Variants in ADGRB3 observed in about 807,000 individuals in gnomAD.
ADGRB3 encodes the protein brain-specific angiogenesis inhibitor 3.
A neutral mutation model predicts 193.4 loss-of-function variants in ADGRB3; 37 were observed. The observed-to-expected ratio is 0.19, with a 90% CI of 0.15 to 0.25. The LOEUF is 0.25. Ranked by LOEUF, ADGRB3 falls within the 10% of genes least tolerant of loss-of-function variation. The probability of loss-of-function intolerance (pLI) is 1.00; values close to 1 mark genes in which losing one functional copy is unlikely to be tolerated. For missense variants in ADGRB3, 1,637 were observed against 1,852.9 expected (o/e 0.88, Z 2.14); for synonymous variants, 690 against 644.2 (o/e 1.07, Z -1.08).
intron 17 of ADGRB3, among the ~76,000 whole-genome samples, chr6:69,102,050 G>T (rs1451338431): frequency 6.6e-6 from 1 of 151,934 alleles, no homozygotes; most frequent in African/African-American, 2.4e-5. Flanking sequence ...GGTGGCGGAC[G>T]CCTGTAGTCC....
intron 17 of ADGRB3, among the ~76,000 whole-genome samples, chr6:69,086,369 G>A (rs965465734): frequency 6.6e-6 from 1 of 152,002 alleles, no homozygotes; most frequent in East Asian, 1.9e-4. Context: ...ACTCTTAGTA[G>A]AACTGGGCAT....
chr6:68,818,480 G>A (rs937673460), intron 3 of ADGRB3, among the ~76,000 whole-genome samples: 17 of 151,978 alleles, frequency 1.1e-4, no homozygotes, highest in African/African-American at 4.1e-4. Context: ...GAATGAAACA[G>A]CTTGGTGTGG....
intron 3 of ADGRB3, among the ~76,000 whole-genome samples, chr6:68,831,506 G>GT (rs1767952566): frequency 6.6e-6 from 1 of 152,018 alleles, no homozygotes; most frequent in African/African-American, 2.4e-5. Context: ...ATAGAAGTCT[G>GT]TTTGGTTGGG....
At chr6:68,918,990 C>T (rs1206313075) in intron 3 of ADGRB3, among the ~76,000 whole-genome samples, 4 of 151,880 alleles carry the variant, frequency 2.6e-5, no homozygotes, top group Non-Finnish European at 4.4e-5. Context: ...TTCCTCTGGT[C>T]TCATTTTCCC....
intron 3 of ADGRB3, among the ~76,000 whole-genome samples, chr6:68,874,537 C>T (rs367721813): frequency 6.6e-6 from 1 of 152,024 alleles, no homozygotes; most frequent in African/African-American, 2.4e-5. Flanking sequence ...TTAAGTGAAT[C>T]CATGTGTTAA....
chr6:69,155,333 T>C (rs1481344629), intron 17 of ADGRB3, among the ~76,000 whole-genome samples: 3 of 152,216 alleles, frequency 2.0e-5, no homozygotes, highest in African/African-American at 7.2e-5. Context: ...CATTTTGGTA[T>C]AGGCCACCCA....
intron 3 of ADGRB3, among the ~76,000 whole-genome samples, chr6:68,659,214 C>A (rs146394947): frequency 6.6e-6 from 1 of 150,578 alleles, no homozygotes; most frequent in Non-Finnish European, 1.5e-5. Context: ...CAAGCTGATG[C>A]AATTTTTTTT....
intron 20 of ADGRB3, among the ~76,000 whole-genome samples, chr6:69,246,779 G>C (rs922727988): frequency 5.3e-5 from 8 of 152,184 alleles, no homozygotes; most frequent in Non-Finnish European, 1.2e-4. Context: ...CAAGGAAGCA[G>C]TTTGGACATT....
intron 26 of ADGRB3, among the ~76,000 whole-genome samples, chr6:69,352,456 C>T (rs1444896297): frequency 6.6e-6 from 1 of 152,198 alleles, no homozygotes; most frequent in Non-Finnish European, 1.5e-5. Flanking sequence ...GTAATGCATT[C>T]TTTTTCAAAG....
intron 8 of ADGRB3, among the ~76,000 whole-genome samples, chr6:68,973,215 G>T (rs1395238875): frequency 6.6e-6 from 1 of 152,110 alleles, no homozygotes; most frequent in Non-Finnish European, 1.5e-5. Flanking sequence ...CTAGGATCCA[G>T]TCCTGCTGAC....
intron 4 of ADGRB3, among the ~76,000 whole-genome samples, chr6:68,931,550 G>A (rs9446076): frequency 0.03 from 4,537 of 152,060 alleles, 240 homozygotes; most frequent in African/African-American, 0.1. Flanking sequence ...TTAAAAAATT[G>A]TATACATCTC....
chr6:68,991,388 C>A (rs908349727), intron 10 of ADGRB3, among the ~76,000 whole-genome samples: 3 of 150,276 alleles, frequency 2.0e-5, no homozygotes, highest in Admixed American at 6.6e-5. Flanking sequence ...ATGAAAAAAA[C>A]AAGAAATAGA....
chr6:68,920,380 G>C (rs1210923535), intron 3 of ADGRB3, among the ~76,000 whole-genome samples: 4 of 151,838 alleles, frequency 2.6e-5, no homozygotes, highest in African/African-American at 9.7e-5. Context: ...TTAGCCGGGC[G>C]TGGTGGTGGG....
Position 69,104,688 on chromosome 6 carries a change from A to C in ADGRB3, c.2480+28650A>C, listed in dbSNP as rs141883019. On this transcript the variant is annotated intron_variant, in intron 17 of 31. Transcript: ENST00000370598. ...TTGTGGTAAGAAAACAAAGAGTAAC[A>C]CTGAAAACACAATATGTGTTTCAGT... Among the ~76,000 whole-genome samples, 750 of 152,276 alleles carry C rather than the reference A, an allele frequency of 4.9e-3. 7 individuals are homozygous for C. Among genetic ancestry groups the C allele is most frequent in the African/African-American group, 0.017 (691 of 41,558 alleles).
At chr6:69,250,464 C>T (rs1766596534) in intron 20 of ADGRB3, among the ~76,000 whole-genome samples, 1 of 152,198 alleles carries the variant, frequency 6.6e-6, no homozygotes. Flanking sequence ...ATGAAAAGGA[C>T]AATCTGTACC....
intron 15 of ADGRB3, 75 bp downstream of exon 15, chr6:69,049,421 A>G: frequency 9.1e-7 from 1 of 1,104,476 alleles, no homozygotes; most frequent in Non-Finnish European, 1.3e-6. Flanking sequence ...TTCTATAAAA[A>G]TAGTCAAACA....
At chr6:68,792,606 T>G (rs1767128122) in intron 3 of ADGRB3, among the ~76,000 whole-genome samples, 1 of 152,188 alleles carries the variant, frequency 6.6e-6, no homozygotes, top group Admixed American at 6.6e-5. Context: ...ATTTCCTCCT[T>G]CAATCTACAA....
chr6:68,796,282 C>T (rs1767206452), intron 3 of ADGRB3, among the ~76,000 whole-genome samples: 1 of 151,874 alleles, frequency 6.6e-6, no homozygotes, highest in South Asian at 2.1e-4. Flanking sequence ...TTTTTATATA[C>T]TGTACTGACT....
chr6:68,943,938 G>A lies in ADGRB3; in HGVS notation c.1139G>A (p.Arg380Lys), dbSNP rs1238641302. ...TGCACACCTCCTCAGTATGGAGGAA[G>A]GCCGTGTGAAGGACCTGAAACACAT... Reference protein sequence around the residue: ...RSCTPPQYGGRPCEGPETHHK... With the variant: ...RSCTPPQYGGKPCEGPETHHK... The change falls in exon 6 of 32, where the codon AGG (arginine) becomes AAG (lysine). Residue 380 changes from arginine (R) to lysine (K), a missense_variant. Arg to Lys is a conservative substitution (Grantham distance 26, BLOSUM62 2). Coordinates refer to ENST00000370598, the MANE Select transcript of ADGRB3 (RefSeq NM_001704.3). 6.2e-7 allele frequency: 1 copy of A among 1,613,798 alleles called. No individual in the cohort carries two copies. The highest frequency in any genetic ancestry group is 8.5e-7 in the Non-Finnish European group (1 of 1,179,854).
Sources: gnomAD v4.1 joint callset for allele counts (sites outside exome capture counted in the v4.1 genomes callset) on GRCh38, gnomAD v4.1.1 for gene constraint, MANE v1.5 for transcripts, NCBI Gene and HGNC (gene_info 2026-07-23, HGNC 2026-07-21) for gene names.